The following USP43 variants were observed in gnomAD, a reference collection of about 807,000 sequenced individuals.
USP43 encodes the protein ubiquitin specific peptidase 43, also known as ubiquitin carboxyl-terminal hydrolase 43.
Under a neutral mutation model 90.7 loss-of-function variants are expected in USP43, and 33 were observed. The observed-to-expected ratio is 0.36, with a 90% confidence interval of 0.28 to 0.49. The LOEUF (loss-of-function observed/expected upper bound fraction) is 0.49, where lower values mean the gene tolerates loss of function less well. Ranked by LOEUF, USP43 falls within the 20% of genes least tolerant of loss-of-function variation. USP43 has a pLI of 0.98. For missense variants in USP43, 1,274 were observed against 1,476.4 expected (o/e 0.86, Z 2.25); for synonymous variants, 598 against 615.8 (o/e 0.97, Z 0.43).
chr17:9,727,279 G>C (rs1017626722), intron 14 of USP43, among the ~76,000 whole-genome samples: 7 of 152,064 alleles, frequency 4.6e-5, no homozygotes, highest in African/African-American at 1.7e-4. Flanking sequence ...TTGTACATAT[G>C]TTCCTTTTAG....
In USP43 at chr17:9,666,002, G is replaced by A. The variant is rs567521768; in HGVS notation, c.637-646G>A. ...ACTGATTTTGGATGTCTGCTCGTGA[G>A]AACTGTGAGAGAGTAAGCTATTGTT... On this transcript the variant is annotated intron_variant, in intron 2 of 14. Coordinates refer to ENST00000285199, the MANE Select transcript of USP43 (RefSeq NM_153210.5). Among the ~76,000 whole-genome samples the A allele has an allele frequency of 2.3e-3, 346 of 152,292 alleles. 1 individual carries two copies. The highest frequency in any genetic ancestry group is 3.3e-3 in the Admixed American group (51 of 15,288).
chr17:9,675,402 A>C (rs559002630), intron 4 of USP43, among the ~76,000 whole-genome samples: 2 of 152,262 alleles, frequency 1.3e-5, no homozygotes, highest in South Asian at 4.1e-4. Context: ...GCAAAGAAAG[A>C]GGAAAGGGGT....
At position 9,671,936 on chromosome 17, in the gene USP43, G is replaced by C. The variant is rs1421971622; in HGVS notation, c.741-2955G>C. ...CTGATTTCTGAACCTTTGACACGTG[G>C]ATGTATTTGACATCTTTCCTATAGT... is the stretch of plus-strand genomic sequence containing the variant. On this transcript the variant is annotated intron_variant, in intron 3 of 14. Coordinates refer to ENST00000285199, the MANE Select transcript of USP43 (RefSeq NM_153210.5). Among the ~76,000 whole-genome samples, 3 of 152,238 alleles carry C rather than the reference G, an allele frequency of 2.0e-5. No individual in the cohort carries two copies. The South Asian group carries it at 6.2e-4, about 32-fold the overall frequency.
intron 5 of USP43, among the ~76,000 whole-genome samples, chr17:9,677,525 A>T (rs770828399): frequency 3.9e-5 from 6 of 152,208 alleles, no homozygotes; most frequent in Non-Finnish European, 8.8e-5. Context: ...TTCTTTTCAA[A>T]CGAGTCTTAG....
intron 6 of USP43, among the ~76,000 whole-genome samples, chr17:9,681,883 G>A (rs1472896189): frequency 2.6e-5 from 4 of 152,122 alleles, no homozygotes; most frequent in Middle Eastern, 3.2e-3. Context: ...GGCCAGCCTA[G>A]GTAGCAGGCT....
chr17:9,715,546 G>A (rs2151997212), intron 14 of USP43, among the ~76,000 whole-genome samples: 1 of 148,350 alleles, frequency 6.7e-6, no homozygotes. Flanking sequence ...GTGTGTGTCT[G>A]TGTCTTTGTG....
At chr17:9,688,049 G>C (rs1490359789) in intron 8 of USP43, among the ~76,000 whole-genome samples, 1 of 152,144 alleles carries the variant, frequency 6.6e-6, no homozygotes, top group Non-Finnish European at 1.5e-5. Context: ...GCAGTGGCGT[G>C]ATCTCGGCTC....
intron 14 of USP43, among the ~76,000 whole-genome samples, chr17:9,723,137 G>A (rs1917052502): frequency 6.6e-6 from 1 of 152,178 alleles, no homozygotes; most frequent in Admixed American, 6.5e-5. Flanking sequence ...TCAGGCATCT[G>A]AAGCTGTTTT....
intron 14 of USP43, among the ~76,000 whole-genome samples, chr17:9,720,095 G>A (rs2152000374): frequency 6.6e-6 from 1 of 151,774 alleles, no homozygotes; most frequent in South Asian, 2.1e-4. Context: ...GGAAGCCGAG[G>A]CAGGCAGATC....
In USP43 at chr17:9,646,038, G is replaced by A. The variant is rs1411489793; in HGVS notation, c.406G>A (p.Ala136Thr). 2.7e-6 allele frequency: 4 copies of A among 1,493,646 alleles called. No individual in the cohort carries two copies. The highest frequency in any genetic ancestry group is 3.6e-6 in the Non-Finnish European group (4 of 1,123,474). The allele number at this position is 1,493,646 out of a possible 1,614,324, so 92.5% of individuals were successfully genotyped here. A position where few individuals can be genotyped will look rare whatever the true frequency, so the allele number is the denominator to read the frequency against. Residue 136 changes from alanine to threonine, a missense_variant, in exon 1 of 15, where the codon GCG becomes ACG. Ala to Thr is a moderately conservative substitution (Grantham distance 58, BLOSUM62 0). Coordinates refer to ENST00000285199, the MANE Select transcript of USP43 (RefSeq NM_153210.5). ...AEFLALGRYR[A>T]APGRAEVTEQ... is the part of the protein sequence containing the mutation. ...GTTCCTGGCGCTGGGGCGCTACCGG[G>A]CGGCTCCGGGCCGCGCCGAGGTCAC...
At chr17:9,719,714 G>A (rs192474381) in intron 14 of USP43, among the ~76,000 whole-genome samples, 3 of 152,326 alleles carry the variant, frequency 2.0e-5, no homozygotes, top group African/African-American at 7.2e-5. Context: ...CCCTCTTGGA[G>A]TTTGACTAAA....
chr17:9,669,095 C>T (rs183974849), intron 3 of USP43, among the ~76,000 whole-genome samples: 4 of 152,148 alleles, frequency 2.6e-5, no homozygotes, highest in South Asian at 2.1e-4. Flanking sequence ...CCACCTGCCT[C>T]GGCCTCCCAA....
chr17:9,706,666 CA>C (rs1166976624), intron 12 of USP43, among the ~76,000 whole-genome samples: 1 of 103,596 alleles, frequency 9.7e-6, no homozygotes, highest in Non-Finnish European at 1.8e-5. Context: ...TTTTTTGAGA[CA>C]GAGTCTCGCT....
At position 9,701,839 on chromosome 17, in the gene USP43, A is replaced by C. The variant is rs575342366; in HGVS notation, c.2011+139A>C. On this transcript the variant is annotated intron_variant, in intron 12 of 14. Coordinates refer to ENST00000285199, the MANE Select transcript of USP43 (RefSeq NM_153210.5). The surrounding 1 kb of genome is among the most constrained non-coding windows in gnomAD (Gnocchi z 7.2). The stretch of plus-strand genomic sequence containing the variant: ...CCCTCACCCACCGCACACCAGGAAG[A>C]TGAGGATGAGGAAAACAAAGATGAA... The C allele has an allele frequency of 2.5e-4, 182 of 726,836 alleles. No individual in the cohort carries two copies. The African/African-American group carries it at 2.8e-3, about 11-fold the overall frequency. The allele number at this position is 726,836 out of a possible 1,614,324, so 45.0% of individuals were successfully genotyped here.
chr17:9,672,405 C>T (rs1913497007), intron 3 of USP43, among the ~76,000 whole-genome samples: 1 of 152,300 alleles, frequency 6.6e-6, no homozygotes, highest in South Asian at 2.1e-4. Flanking sequence ...AAGTCATATT[C>T]CTGAACCAGT....
chr17:9,720,840 C>T (rs1395593543), intron 14 of USP43, among the ~76,000 whole-genome samples: 1 of 152,090 alleles, frequency 6.6e-6, no homozygotes, highest in Admixed American at 6.6e-5. Flanking sequence ...ATTTATTCCC[C>T]GGGTGGGGCG....
chr17:9,679,301 A>G lies in USP43; in HGVS notation c.970-930A>G, dbSNP rs138501502. Among the ~76,000 whole-genome samples the G allele has an allele frequency of 2.3e-3, 345 of 152,036 alleles. 1 individual carries two copies. Among genetic ancestry groups the G allele is most frequent in the African/African-American group, 7.8e-3 (323 of 41,454 alleles). The stretch of plus-strand genomic sequence containing the variant: ...GCTGCAGCCTTGAACTCCTGGGCTC[A>G]AGGGATCCTCCCACCTCAGCCTCCT... On this transcript the variant is annotated intron_variant, in intron 5 of 14. Coordinates refer to ENST00000285199, the MANE Select transcript of USP43 (RefSeq NM_153210.5).
intron 3 of USP43, among the ~76,000 whole-genome samples, chr17:9,672,595 G>A (rs888766921): frequency 3.3e-5 from 5 of 152,170 alleles, no homozygotes; most frequent in African/African-American, 4.8e-5. Flanking sequence ...GCCTAGGTAC[G>A]TGATGGACAG....
At chr17:9,713,591 C>T (rs541100282) in intron 14 of USP43, among the ~76,000 whole-genome samples, 3 of 152,130 alleles carry the variant, frequency 2.0e-5, no homozygotes, top group East Asian at 1.9e-4. Flanking sequence ...AGAGTGGGGA[C>T]GTAGGAAGAT....
Sources: allele counts gnomAD v4.1 joint callset (sites outside exome capture counted in the v4.1 genomes callset), GRCh38; gene constraint gnomAD v4.1.1; non-coding constraint Gnocchi (gnomAD v3.1); transcripts MANE v1.5; gene names NCBI Gene and HGNC (gene_info 2026-07-23, HGNC 2026-07-21).